The following DGKB variants were observed in gnomAD, a reference collection of about 807,000 sequenced individuals.
The protein encoded by DGKB is 90 kDa diacylglycerol kinase.
DGKB carries 67 observed loss-of-function variants against 114.3 expected under a neutral mutation model. That is an observed-to-expected ratio of 0.59 (90% CI 0.48 to 0.72). The LOEUF (loss-of-function observed/expected upper bound fraction) is 0.72. Among genes scored for constraint, DGKB ranks in the 30% least tolerant of loss-of-function variants. The pLI, the probability that DGKB is intolerant of heterozygous loss-of-function variation, is 0.00. For missense variants in DGKB, 907 were observed against 975.2 expected (o/e 0.93, Z 0.93); for synonymous variants, 398 against 323.1 (o/e 1.23, Z -2.49).
chr7:14,730,768 G>T (rs555184125), intron 5 of DGKB, among the ~76,000 whole-genome samples: 1 of 152,248 alleles, frequency 6.6e-6, no homozygotes, highest in African/African-American at 2.4e-5. Context: ...GCAACTCCAT[G>T]TACTCATGTA....
At chr7:14,811,630 G>A (rs967005994) in intron 2 of DGKB, among the ~76,000 whole-genome samples, 3 of 151,958 alleles carry the variant, frequency 2.0e-5, no homozygotes, top group Non-Finnish European at 2.9e-5. Context: ...TCAACTTCAG[G>A]TGAAGGTGAT....
At chr7:14,277,374 T>C (rs1407681807) in intron 23 of DGKB, among the ~76,000 whole-genome samples, 1 of 152,104 alleles carries the variant, frequency 6.6e-6, no homozygotes, top group Non-Finnish European at 1.5e-5. Context: ...GTCTTTGCCA[T>C]ATTGGCCAGG....
At chr7:14,784,918 C>T (rs1586487966) in intron 2 of DGKB, among the ~76,000 whole-genome samples, 2 of 151,632 alleles carry the variant, frequency 1.3e-5, no homozygotes, top group African/African-American at 2.4e-5. Flanking sequence ...TGCTGAAATA[C>T]TTTTCAATAT....
chr7:14,188,895 A>G (rs2128266320), intron 23 of DGKB, among the ~76,000 whole-genome samples: 1 of 152,240 alleles, frequency 6.6e-6, no homozygotes, highest in South Asian at 2.1e-4. Flanking sequence ...AAGTGCTGAA[A>G]GAAAAAAAAG....
chr7:14,734,101 C>A (rs546846154), intron 5 of DGKB, among the ~76,000 whole-genome samples: 1 of 152,016 alleles, frequency 6.6e-6, no homozygotes, highest in East Asian at 1.9e-4. Flanking sequence ...GTGATGCGAT[C>A]TCGGCTTACT....
At chr7:14,919,087 CACACACAA>C (rs1177379666) in intron 1 of DGKB, among the ~76,000 whole-genome samples, 6 of 119,902 alleles carry the variant, frequency 5.0e-5, no homozygotes, top group Admixed American at 3.3e-4. Flanking sequence ...CACACACACA[CACACACAA>C]ACACACACAC....
At chr7:14,231,252 G>A (rs963483668) in intron 23 of DGKB, among the ~76,000 whole-genome samples, 1 of 151,582 alleles carries the variant, frequency 6.6e-6, no homozygotes, top group South Asian at 2.1e-4. Flanking sequence ...TCTCACCTGT[G>A]CCCCTAGAGT....
intron 1 of DGKB, among the ~76,000 whole-genome samples, chr7:14,844,255 A>G (rs1301853155): frequency 6.6e-6 from 1 of 152,216 alleles, no homozygotes; most frequent in Non-Finnish European, 1.5e-5. Context: ...TGAAATGGTG[A>G]CATGTTGGCT....
At chr7:14,798,359 GCTATTTTGCCCGTATAAC>G (rs1841698787) in intron 2 of DGKB, among the ~76,000 whole-genome samples, 1 of 152,078 alleles carries the variant, frequency 6.6e-6, no homozygotes, top group Admixed American at 6.5e-5. Flanking sequence ...TCTCCCATAA[GCTATTTTGCCCGTATAAC>G]CTGTGTTGCC....
chr7:14,643,954 C>T (rs115931114), intron 13 of DGKB, among the ~76,000 whole-genome samples: 3,303 of 152,180 alleles, frequency 0.022, 114 homozygotes, highest in African/African-American at 0.076. Context: ...AGTGGACCAA[C>T]CAGGGTCTAC....
At chr7:14,878,587 T>C (rs544893467) in intron 1 of DGKB, among the ~76,000 whole-genome samples, 127 of 151,724 alleles carry the variant, frequency 8.4e-4, no homozygotes, top group Non-Finnish European at 1.7e-3. Flanking sequence ...CTACTAAGAA[T>C]ACAAAAACAA....
At chr7:14,279,495 G>A (rs934022927) in intron 23 of DGKB, among the ~76,000 whole-genome samples, 3 of 152,178 alleles carry the variant, frequency 2.0e-5, no homozygotes, top group Admixed American at 6.5e-5. Flanking sequence ...TGACAGCTTT[G>A]GAGAGAGCGG....
intron 1 of DGKB, among the ~76,000 whole-genome samples, chr7:14,909,729 A>G (rs1325287990): frequency 6.6e-6 from 1 of 152,158 alleles, no homozygotes. Flanking sequence ...TTCAGAAACC[A>G]TATTTGTCTT....
At chr7:14,304,741 T>G (rs1193249858) in intron 23 of DGKB, among the ~76,000 whole-genome samples, 1 of 152,178 alleles carries the variant, frequency 6.6e-6, no homozygotes, top group African/African-American at 2.4e-5. Flanking sequence ...TTAATGGAAA[T>G]TTTGTGGAAT....
chr7:14,441,715 T>G (rs1399310266), intron 21 of DGKB, among the ~76,000 whole-genome samples: 1 of 152,136 alleles, frequency 6.6e-6, no homozygotes, highest in East Asian at 1.9e-4. Flanking sequence ...GGTTCTAATT[T>G]TCATCATTAT....
At chr7:14,520,147 T>A (rs1044162456) in intron 20 of DGKB, among the ~76,000 whole-genome samples, 1 of 151,516 alleles carries the variant, frequency 6.6e-6, no homozygotes, top group African/African-American at 2.4e-5. Flanking sequence ...TTTCCTCATA[T>A]TTTTTCCAGA....
intron 17 of DGKB, among the ~76,000 whole-genome samples, chr7:14,584,562 A>T (rs1277674613): frequency 1.3e-5 from 2 of 152,146 alleles, no homozygotes; most frequent in African/African-American, 4.8e-5. Context: ...TGAGTTCAGC[A>T]TATTTTTATA....
intron 13 of DGKB, among the ~76,000 whole-genome samples, chr7:14,650,590 G>T (rs1460820369): frequency 1.1e-5 from 1 of 87,870 alleles, no homozygotes; most frequent in Non-Finnish European, 2.2e-5. Context: ...AAAAGAACTA[G>T]AAAAGCAAGA....
intron 23 of DGKB, among the ~76,000 whole-genome samples, chr7:14,300,858 C>T (rs1254303705): frequency 6.6e-6 from 1 of 152,078 alleles, no homozygotes; most frequent in Admixed American, 6.6e-5. Context: ...GAGCAAATGG[C>T]TGTTGAATTC....
Sources: allele counts gnomAD v4.1 joint callset (sites outside exome capture counted in the v4.1 genomes callset), GRCh38; gene constraint gnomAD v4.1.1; transcripts MANE v1.5; gene names NCBI Gene and HGNC (gene_info 2026-07-23, HGNC 2026-07-21).